The following STOX1 variants were observed in gnomAD, a reference collection of about 807,000 sequenced individuals.
The protein encoded by STOX1 is storkhead box 1.
STOX1 carries 57 observed loss-of-function variants against 74.8 expected under a neutral mutation model. The ratio of observed to expected loss-of-function variants is 0.76; its 90% CI spans 0.62 to 0.95. The LOEUF is 0.95. Ranked by LOEUF, STOX1 falls within the 40% of genes least tolerant of loss-of-function variation. The pLI is 0.00. For missense variants in STOX1, 1,010 were observed against 1,117.0 expected (o/e 0.90, Z 1.37); for synonymous variants, 375 against 401.3 (o/e 0.93, Z 0.78).
Position 68,886,033 on chromosome 10 carries a change from A to T in STOX1, c.2237A>T (p.Asp746Val), listed in dbSNP as rs980008811. ...YLEEDDISENDDLRQMLPGHS... is the reference protein window; with the variant it reads ...YLEEDDISENVDLRQMLPGHS... Reference sequence around the variant, plus strand: ...GAGGAGGATGACATTTCTGAGAATGACGACTTACGTCAAATGCTGCCTGGC... The same window carrying T: ...GAGGAGGATGACATTTCTGAGAATGTCGACTTACGTCAAATGCTGCCTGGC... The change falls in exon 3 of 4, where the codon GAC becomes GTC. Residue 746 changes from aspartate (D) to valine (V), a missense_variant. By Grantham distance (152) the Asp-to-Val change is radical. Coordinates refer to ENST00000298596, the MANE Select transcript of STOX1 (RefSeq NM_152709.5). 8 of 1,614,114 alleles carry T rather than the reference A, an allele frequency of 5.0e-6. No individual in the cohort carries two copies. Among genetic ancestry groups the T allele is most frequent in the Non-Finnish European group, 6.8e-6 (8 of 1,180,062 alleles).
At chr10:68,847,449 G>A (rs1443198179) in intron 1 of STOX1, among the ~76,000 whole-genome samples, 911 of 148,152 alleles carry the variant, frequency 6.1e-3, no homozygotes, top group African/African-American at 0.022. Flanking sequence ...TCACTGTGTT[G>A]CCCAGGCTGG....
intron 1 of STOX1, among the ~76,000 whole-genome samples, chr10:68,829,372 C>T (rs1445185475): frequency 1.3e-5 from 2 of 151,984 alleles, no homozygotes; most frequent in East Asian, 1.9e-4. Flanking sequence ...AAAAATTAGC[C>T]GGGGCGTGGT....
In STOX1 at chr10:68,842,169, A is replaced by G. The variant is rs149725124; in HGVS notation, c.310+14236A>G. ...TGGCATTGGGATGCAGAAATGCCCT[A>G]TTTGAAGATGTTATTCCCCAGACCT... On this transcript the variant is annotated intron_variant, in intron 1 of 3. Coordinates refer to ENST00000298596, the MANE Select transcript of STOX1 (RefSeq NM_152709.5). Among the ~76,000 whole-genome samples the G allele has an allele frequency of 8.5e-5, 13 of 152,256 alleles. No individual in the cohort carries two copies. In the East Asian group the frequency reaches 2.3e-3, roughly 27 times the overall value.
In STOX1 at chr10:68,878,160, A is replaced by G. The variant is rs115560426; in HGVS notation, c.311-3798A>G. Among the ~76,000 whole-genome samples the G allele has an allele frequency of 6.7e-3, 1,026 of 152,346 alleles. 7 individuals are homozygous for G. Among genetic ancestry groups the G allele is most frequent in the African/African-American group, 0.023 (977 of 41,578 alleles). On this transcript the variant is annotated intron_variant, in intron 1 of 3. Coordinates refer to ENST00000298596, the MANE Select transcript of STOX1 (RefSeq NM_152709.5). ...AGATGTTTTTAGGGAGGTAGGGAAG[A>G]GAGATATAAAAGCTTAAAGCCACTT...
intron 1 of STOX1, among the ~76,000 whole-genome samples, chr10:68,878,408 C>T (rs960659749): frequency 2.6e-5 from 4 of 152,050 alleles, no homozygotes; most frequent in Admixed American, 6.5e-5. Context: ...AAATTAATGC[C>T]CCGCTTGGAC....
rs149094659 is a variant in STOX1, at chr10:68,865,643, C to T, written c.311-16315C>T. 3.2e-3 allele frequency among the ~76,000 whole-genome samples: 489 copies of T among 152,112 alleles called. 2 individuals are homozygous for T. Among genetic ancestry groups the T allele is most frequent in the African/African-American group, 0.011 (465 of 41,512 alleles). On this transcript the variant is annotated intron_variant, in intron 1 of 3. Transcript: ENST00000298596. ...CAGCCTGGGCGACAGAGTGAGACTC[C>T]ATCTCGAAACAAAAAAACAAACAAA...
chr10:68,895,126 C>T (rs1841168856), downstream of STOX1: 2 of 152,300 alleles, frequency 1.3e-5, no homozygotes, highest in African/African-American at 4.8e-5. Context: ...TTGGTGATCC[C>T]TTTACTGATA....
At chr10:68,840,629 T>G (rs1395426984) in intron 1 of STOX1, among the ~76,000 whole-genome samples, 1 of 152,134 alleles carries the variant, frequency 6.6e-6, no homozygotes, top group Non-Finnish European at 1.5e-5. Context: ...GGTGTGATCT[T>G]GGCTCACTGC....
rs189649968 is a variant in STOX1, at chr10:68,847,841, C to G, written c.310+19908C>G. Among the ~76,000 whole-genome samples, 189 of 152,258 alleles carry G rather than the reference C, an allele frequency of 1.2e-3. 1 individual carries two copies. Among genetic ancestry groups the G allele is most frequent in the African/African-American group, 4.3e-3 (178 of 41,538 alleles). Reference sequence around the variant, plus strand: ...CCACCTCCTGGGTTTAAGCAGTTCTCCTGCCTCAGCCTCCCAAGTAGCTGG... The same window carrying G: ...CCACCTCCTGGGTTTAAGCAGTTCTGCTGCCTCAGCCTCCCAAGTAGCTGG... On this transcript the variant is annotated intron_variant, in intron 1 of 3. Coordinates refer to ENST00000298596, the MANE Select transcript of STOX1 (RefSeq NM_152709.5).
intron 1 of STOX1, among the ~76,000 whole-genome samples, chr10:68,875,617 A>T (rs1840656179): frequency 6.6e-6 from 1 of 152,178 alleles, no homozygotes; most frequent in Non-Finnish European, 1.5e-5. Context: ...AGGCTTATGG[A>T]AGGGGCCTTT....
At chr10:68,840,616 A>C (rs1003020425) in intron 1 of STOX1, among the ~76,000 whole-genome samples, 2 of 152,024 alleles carry the variant, frequency 1.3e-5, no homozygotes, top group Non-Finnish European at 2.9e-5. Context: ...GCTGGAGTGC[A>C]CTGGTGTGAT....
chr10:68,833,545 A>G (rs1440516179), intron 1 of STOX1, among the ~76,000 whole-genome samples: 3 of 152,120 alleles, frequency 2.0e-5, no homozygotes, highest in African/African-American at 7.2e-5. Flanking sequence ...GATCAATTGA[A>G]CAAGCAGGGG....
chr10:68,831,714 T>G (rs1322765863), intron 1 of STOX1, among the ~76,000 whole-genome samples: 3 of 152,098 alleles, frequency 2.0e-5, no homozygotes, highest in Admixed American at 6.6e-5. Flanking sequence ...GACCTGAACT[T>G]AAGTCATGCA....
rs1182708650 is a variant in STOX1 at position 68,827,650 on chromosome 10, G to A, written c.27G>A (p.Pro9=). Residue 9 remains proline (P), a synonymous_variant, in exon 1 of 4, where the codon CCG becomes CCA. Transcript: ENST00000298596. ...TGGCCCGGCCCGTGCAGCTGGCGCC[G>A]GGCTCGCTGGCGCTAGTGCTGTGCC... MARPVQLA[P]GSLALVLCRL... 4 of 1,143,102 alleles carry A rather than the reference G, an allele frequency of 3.5e-6. No individual in the cohort carries two copies. Among genetic ancestry groups the A allele is most frequent in the African/African-American group, 1.6e-5 (1 of 60,634 alleles). The allele number at this position is 1,143,102 out of a possible 1,614,324, so 70.8% of individuals were successfully genotyped here. A position where few individuals can be genotyped will look rare whatever the true frequency, so the allele number is the denominator to read the frequency against.
rs1266529113 is a variant in STOX1, at chr10:68,833,192, T to C, written c.310+5259T>C. Among the ~76,000 whole-genome samples the C allele has an allele frequency of 2.0e-5, 3 of 151,282 alleles. No homozygotes were observed. The East Asian group carries it at 5.8e-4, about 29-fold the overall frequency. Reference sequence around the variant, plus strand: ...CCTCTGCTTCCCAGGTTCAAGGGATTCTCCTGCCTCAGCCTCCCGAGTAGC... The same window carrying C: ...CCTCTGCTTCCCAGGTTCAAGGGATCCTCCTGCCTCAGCCTCCCGAGTAGC... On this transcript the variant is annotated intron_variant, in intron 1 of 3. Transcript: ENST00000298596.
chr10:68,828,142 C>A, intron 1 of STOX1: 1 of 494,610 alleles, frequency 2.0e-6, no homozygotes, highest in Non-Finnish European at 2.5e-6. Flanking sequence ...CGCGGCTGGC[C>A]TTCCAGGGCT....
chr10:68,892,630 G>C lies in STOX1; in HGVS notation c.2864G>C (p.Gly955Ala). 1 of 1,613,426 alleles carries C rather than the reference G, an allele frequency of 6.2e-7. No homozygotes were observed. The highest frequency in any genetic ancestry group is 8.5e-7 in the Non-Finnish European group (1 of 1,179,514). The change falls in exon 4 of 4, where the codon GGA becomes GCA. Residue 955 changes from glycine (G) to alanine (A), a missense_variant. By Grantham distance (60) the Gly-to-Ala change is moderately conservative. Coordinates refer to ENST00000298596, the MANE Select transcript of STOX1 (RefSeq NM_152709.5). ...LGSNNSVILD[G>A]LKRRQNFLQN... is the part of the protein sequence containing the mutation. Reference sequence around the variant, plus strand: ...TCTAATAATTCAGTCATTTTGGATGGACTAAAAAGAAGACAGAATTTTCTG... The same window carrying C: ...TCTAATAATTCAGTCATTTTGGATGCACTAAAAAGAAGACAGAATTTTCTG...
intron 1 of STOX1, among the ~76,000 whole-genome samples, chr10:68,834,715 G>A (rs1482704498): frequency 6.6e-6 from 1 of 152,030 alleles, no homozygotes; most frequent in Non-Finnish European, 1.5e-5. Context: ...ACCACTATTT[G>A]GAATTATTTT....
intron 1 of STOX1, among the ~76,000 whole-genome samples, chr10:68,857,104 G>A (rs911424412): frequency 2.0e-5 from 3 of 152,030 alleles, no homozygotes; most frequent in African/African-American, 7.3e-5. Flanking sequence ...TGCAAACATG[G>A]TGTCTTCTGC....
Sources: allele counts gnomAD v4.1 joint callset (sites outside exome capture counted in the v4.1 genomes callset), GRCh38; gene constraint gnomAD v4.1.1; transcripts MANE v1.5; gene names NCBI Gene and HGNC (gene_info 2026-07-23, HGNC 2026-07-21).